EML4: variants seen among roughly 807,000 people sequenced by gnomAD.
EML4 encodes the protein echinoderm microtubule-associated protein-like 4.
Under a neutral mutation model 129.0 loss-of-function variants are expected in EML4, and 72 were observed. That is an observed-to-expected ratio of 0.56 (90% CI 0.46 to 0.68). EML4 has a LOEUF of 0.68. EML4 is among the 30% of genes least tolerant of loss of function. EML4 has a pLI of 0.00. For synonymous variants in EML4, 532 were observed against 405.0 expected, an observed-to-expected ratio of 1.31 and a Z score of -3.77; for missense variants, 1,363 against 1,190.6, an observed-to-expected ratio of 1.14 and a Z score of -2.13.
chr2:42,331,481 A>G lies in EML4; in HGVS notation c.*1274A>G, dbSNP rs914401813. 4.5e-6 allele frequency: 1 copy of G among 223,224 alleles called. No homozygotes were observed. Among genetic ancestry groups the G allele is most frequent in the Non-Finnish European group, 9.0e-6 (1 of 111,572 alleles). The allele number at this position is 223,224 out of a possible 1,614,324, so 13.8% of individuals were successfully genotyped here. A position where few individuals can be genotyped will look rare whatever the true frequency, so the allele number is the denominator to read the frequency against. On this transcript the variant is annotated 3_prime_UTR_variant, in exon 23 of 23. Transcript: ENST00000318522. Reference sequence around the variant, plus strand: ...ACTTTAAGAGTAATTACTGACAAATATGTATTTCCTATATGTTTATACTTT... The same window carrying G: ...ACTTTAAGAGTAATTACTGACAAATGTGTATTTCCTATATGTTTATACTTT...
chr2:42,177,622 C>T (rs1039573686), intron 1 of EML4, among the ~76,000 whole-genome samples: 45 of 152,150 alleles, frequency 3.0e-4, no homozygotes, highest in African/African-American at 8.4e-4. Context: ...GACCCCGTCT[C>T]AAACAAGCAA....
intron 1 of EML4, among the ~76,000 whole-genome samples, chr2:42,175,659 C>T (rs1036568609): frequency 6.6e-6 from 1 of 151,960 alleles, no homozygotes; most frequent in Non-Finnish European, 1.5e-5. Flanking sequence ...CCACCGCACC[C>T]AGCTAATTTT....
rs187459389 is a variant in EML4, at chr2:42,215,903, G to A, written c.26-29602G>A. On this transcript the variant is annotated intron_variant, in intron 1 of 22. Transcript: ENST00000318522. ...GTCACTAAGATCTTTGTAAGAAAAG[G>A]AGAAACTCATTTATCTTTTTTTTTT... Among the ~76,000 whole-genome samples, 25 of 152,148 alleles carry A rather than the reference G, an allele frequency of 1.6e-4. No individual in the cohort carries two copies. The East Asian group carries it at 4.3e-3, about 26-fold the overall frequency.
intron 1 of EML4, among the ~76,000 whole-genome samples, chr2:42,215,453 C>G (rs1255998479): frequency 6.6e-6 from 1 of 152,100 alleles, no homozygotes; most frequent in South Asian, 2.1e-4. Context: ...ATAAAAGCTT[C>G]CAGGGTACTC....
chr2:42,240,205 T>G (rs1674932603), intron 1 of EML4, among the ~76,000 whole-genome samples: 1 of 152,226 alleles, frequency 6.6e-6, no homozygotes, highest in African/African-American at 2.4e-5. Context: ...GAAACTTGTT[T>G]TAAGAAGTTA....
At chr2:42,276,276 A>G (rs1020479883) in intron 6 of EML4, among the ~76,000 whole-genome samples, 1 of 151,956 alleles carries the variant, frequency 6.6e-6, no homozygotes, top group Non-Finnish European at 1.5e-5. Context: ...TAAATTATAG[A>G]TTTTCTATTT....
intron 6 of EML4, among the ~76,000 whole-genome samples, chr2:42,280,505 T>C (rs1666945232): frequency 2.0e-5 from 3 of 152,236 alleles, no homozygotes; most frequent in South Asian, 2.1e-4. Flanking sequence ...ATGCAGACTT[T>C]TGTCATTATT....
intron 2 of EML4, among the ~76,000 whole-genome samples, chr2:42,248,661 C>T (rs1387643611): frequency 6.6e-6 from 1 of 152,016 alleles, no homozygotes; most frequent in Non-Finnish European, 1.5e-5. Flanking sequence ...TAACTTAATT[C>T]TTTTTAATAA....
At chr2:42,190,495 A>G (rs1370562989) in intron 1 of EML4, among the ~76,000 whole-genome samples, 1 of 152,222 alleles carries the variant, frequency 6.6e-6, no homozygotes, top group Non-Finnish European at 1.5e-5. Flanking sequence ...TCAACTTGGT[A>G]GTACTATTTA....
intron 4 of EML4, 190 bp downstream of exon 4, chr2:42,261,484 T>C: frequency 2.9e-6 from 1 of 343,380 alleles, no homozygotes. Context: ...TCACAATTTC[T>C]CAGTTAAAAC....
At chr2:42,307,136 TTGA>T (rs1558597478) in intron 17 of EML4, among the ~76,000 whole-genome samples, 16 of 152,324 alleles carry the variant, frequency 1.1e-4, no homozygotes, top group Middle Eastern at 3.4e-3. Context: ...ACTGCTTTGG[TTGA>T]AGAAAACACT....
At chr2:42,282,771 TAAC>T in intron 7 of EML4, 49 bp from the exon 8 acceptor site, 1 of 1,524,280 alleles carries the variant, frequency 6.6e-7, no homozygotes, top group Non-Finnish European at 9.0e-7. Flanking sequence ...AAAAATCTGT[TAAC>T]AACTTGAAAA....
At chr2:42,260,457 C>G (rs1204751348) in intron 3 of EML4, among the ~76,000 whole-genome samples, 11 of 152,210 alleles carry the variant, frequency 7.2e-5, no homozygotes, top group Admixed American at 7.2e-4. Flanking sequence ...TGAGCCAGTG[C>G]GCCCAGCCGC....
intron 13 of EML4, among the ~76,000 whole-genome samples, chr2:42,299,565 G>A (rs985263646): frequency 6.6e-6 from 1 of 151,962 alleles, no homozygotes; most frequent in African/African-American, 2.4e-5. Context: ...TCAGCCCCTA[G>A]GTAACCACCA....
At chr2:42,277,459 A>C (rs553288060) in intron 6 of EML4, among the ~76,000 whole-genome samples, 1 of 152,208 alleles carries the variant, frequency 6.6e-6, no homozygotes, top group African/African-American at 2.4e-5. Context: ...TGTGATGTTG[A>C]AACCATAGTG....
chr2:42,220,027 T>A (rs1414034000), intron 1 of EML4, among the ~76,000 whole-genome samples: 1 of 152,000 alleles, frequency 6.6e-6, no homozygotes, highest in Non-Finnish European at 1.5e-5. Flanking sequence ...TAGGGGAGTA[T>A]GTCTTGAAGA....
chr2:42,229,691 A>AAAT (rs1553371185), intron 1 of EML4, among the ~76,000 whole-genome samples: 1 of 152,186 alleles, frequency 6.6e-6, no homozygotes, highest in Non-Finnish European at 1.5e-5. Context: ...AAAAGCATTT[A>AAAT]GCTCATTTGC....
At chr2:42,188,974 A>G (rs1671426195) in intron 1 of EML4, among the ~76,000 whole-genome samples, 1 of 152,204 alleles carries the variant, frequency 6.6e-6, no homozygotes, top group Admixed American at 6.5e-5. Context: ...CAGTAAAAAG[A>G]GCATGGACTT....
chr2:42,200,293 C>G (rs1339682295), intron 1 of EML4, among the ~76,000 whole-genome samples: 1 of 152,106 alleles, frequency 6.6e-6, no homozygotes, highest in African/African-American at 2.4e-5. Flanking sequence ...CCACTGCACT[C>G]CAGCCTGGGC....
Sources: allele counts gnomAD v4.1 joint callset (sites outside exome capture counted in the v4.1 genomes callset), GRCh38; gene constraint gnomAD v4.1.1; transcripts MANE v1.5; gene names NCBI Gene and HGNC (gene_info 2026-07-23, HGNC 2026-07-21).